Variants in PFKFB3 observed in about 807,000 individuals in gnomAD.
PFKFB3 encodes the protein 6-phosphofructo-2-kinase/fructose-2,6-biphosphatase 3, also known as 6-phosphofructo-2-kinase/fructose-2,6-bisphosphatase 3.
PFKFB3 carries 33 observed loss-of-function variants against 68.0 expected under a neutral mutation model. That is an observed-to-expected ratio of 0.49 (90% confidence interval 0.37 to 0.65). PFKFB3 has a LOEUF of 0.65. PFKFB3 is among the 30% of genes least tolerant of loss of function. The pLI is 0.00. For missense variants in PFKFB3, 586 were observed against 712.2 expected, an observed-to-expected ratio of 0.82 and a Z score of 2.02; for synonymous variants, 315 against 288.2, an observed-to-expected ratio of 1.09 and a Z score of -0.94.
At chr10:6,200,490 A>T (rs969535429), upstream of PFKFB3, among the ~76,000 whole-genome samples, 11 of 152,040 alleles carry the variant, frequency 7.2e-5, no homozygotes. Context: ...TGGGTTGTTT[A>T]TAAGTGATTT....
At chr10:6,193,259 G>A (rs930949989) in intron 1 of PFKFB3, among the ~76,000 whole-genome samples, 1 of 152,188 alleles carries the variant, frequency 6.6e-6, no homozygotes, top group Non-Finnish European at 1.5e-5. Context: ...GCTGAAGTGG[G>A]AGGACAGTTT....
chr10:6,312,321 T>TC, the PFKFB3 span, among the ~76,000 whole-genome samples: 8 of 151,634 alleles, frequency 5.3e-5, no homozygotes, highest in Non-Finnish European at 7.4e-5. Flanking sequence ...TACATTTTTT[T>TC]CCAATTTGTT....
At chr10:6,223,869 G>A (rs952102647) in intron 11 of PFKFB3, 89 bp from the exon 12 acceptor site, 17 of 1,129,258 alleles carry the variant, frequency 1.5e-5, no homozygotes, top group East Asian at 1.4e-4. Flanking sequence ...CACCTGCCTC[G>A]GCCTCCCAAA....
chr10:6,190,013 G>A (rs1447911465), intron 1 of PFKFB3, among the ~76,000 whole-genome samples: 3 of 150,070 alleles, frequency 2.0e-5, no homozygotes, highest in Non-Finnish European at 3.0e-5. Context: ...GTGTGATCTC[G>A]GCTCACTGCA....
chr10:6,225,780 G>T (rs973376581), intron 13 of PFKFB3, among the ~76,000 whole-genome samples: 3 of 148,016 alleles, frequency 2.0e-5, no homozygotes, highest in Non-Finnish European at 4.6e-5. Context: ...AGTCAGCACA[G>T]TTGCCTTCCC....
At chr10:6,153,872 A>C (rs1588385438) in intron 1 of PFKFB3, among the ~76,000 whole-genome samples, 1 of 149,698 alleles carries the variant, frequency 6.7e-6, no homozygotes, top group South Asian at 2.1e-4. Flanking sequence ...AAGAGAGGGG[A>C]GAGGGAGTCA....
chr10:6,264,000 G>A, the PFKFB3 span, among the ~76,000 whole-genome samples: 28 of 152,242 alleles, frequency 1.8e-4, no homozygotes, highest in East Asian at 4.2e-3. Context: ...TTATCTTCTC[G>A]AGAAGCCTTG....
At chr10:6,244,746 A>G (rs1564232928) in intron 14 of PFKFB3, among the ~76,000 whole-genome samples, 1 of 152,038 alleles carries the variant, frequency 6.6e-6, no homozygotes, top group South Asian at 2.1e-4. Context: ...TGGACTGGAA[A>G]TGCCCTCATC....
upstream of PFKFB3, among the ~76,000 whole-genome samples, chr10:6,198,858 T>C (rs1843244818): frequency 1.3e-5 from 2 of 152,226 alleles, no homozygotes; most frequent in Admixed American, 1.3e-4. Flanking sequence ...GGATGTTCCA[T>C]AGTTTATCCA....
chr10:6,215,362 C>T lies in PFKFB3; in HGVS notation c.299+45C>T. 1.4e-6 allele frequency: 2 copies of T among 1,475,538 alleles called. No homozygotes were observed. The highest frequency in any genetic ancestry group is 1.9e-6 in the Non-Finnish European group (2 of 1,057,602). The allele number at this position is 1,475,538 out of a possible 1,614,324, so 91.4% of individuals were successfully genotyped here. On this transcript the variant is annotated intron_variant, in intron 3 of 14. Coordinates refer to ENST00000379775, the MANE Select transcript of PFKFB3 (RefSeq NM_004566.4). The surrounding 1 kb of genome is among the most constrained non-coding windows in gnomAD (Gnocchi z 4.3). ...GTAGGGCTGGGCTGTGGGAATAAGG[C>T]TGGGCCGCGGGCATAAGGCTGGGCT...
intron 1 of PFKFB3, among the ~76,000 whole-genome samples, chr10:6,190,369 A>C (rs1187628054): frequency 6.6e-6 from 1 of 152,212 alleles, no homozygotes. Context: ...TTATTTGTTG[A>C]TATTCTACTC....
chr10:6,280,422 C>G, the PFKFB3 span, among the ~76,000 whole-genome samples: 95,705 of 152,066 alleles, frequency 0.63, 30,789 homozygotes, highest in Middle Eastern at 0.72. Context: ...GAACCTGGCT[C>G]GCCTGACGGT....
At chr10:6,175,892 A>G (rs1010603235) in intron 1 of PFKFB3, among the ~76,000 whole-genome samples, 1 of 152,266 alleles carries the variant, frequency 6.6e-6, no homozygotes, top group Non-Finnish European at 1.5e-5. Flanking sequence ...ACCAACTCTC[A>G]TATCAGAGTA....
In PFKFB3 at chr10:6,228,369, G is replaced by A; in HGVS notation, c.1515+2004G>A. ...AGGAGGAGATGGGCGTAGGAGTAGG[G>A]AGGAGAGATTCCTGAATGTTTTTGG... On this transcript the variant is annotated intron_variant, in intron 14 of 14. Coordinates refer to ENST00000379775, the MANE Select transcript of PFKFB3 (RefSeq NM_004566.4). The surrounding 1 kb of genome is among the most constrained non-coding windows in gnomAD (Gnocchi z 4.5). 2 of 811,932 alleles carry A rather than the reference G, an allele frequency of 2.5e-6. No individual in the cohort carries two copies. Among genetic ancestry groups the A allele is most frequent in the Non-Finnish European group, 4.2e-6 (2 of 478,466 alleles). The allele number at this position is 811,932 out of a possible 1,614,324, so 50.3% of individuals were successfully genotyped here. A position where few individuals can be genotyped will look rare whatever the true frequency, so the allele number is the denominator to read the frequency against.
chr10:6,266,824 C>T, the PFKFB3 span, among the ~76,000 whole-genome samples: 2 of 152,188 alleles, frequency 1.3e-5, no homozygotes, highest in African/African-American at 4.8e-5. Flanking sequence ...GCAAGGGGTC[C>T]CTGCCAAACC....
chr10:6,294,304 T>G, the PFKFB3 span: 1 of 464,340 alleles, frequency 2.2e-6, no homozygotes, highest in Non-Finnish European at 4.3e-6. Context: ...AAGACATACC[T>G]GAGACTTGGT....
At chr10:6,190,069 G>A (rs1288127662) in intron 1 of PFKFB3, among the ~76,000 whole-genome samples, 1 of 151,754 alleles carries the variant, frequency 6.6e-6, no homozygotes, top group Non-Finnish European at 1.5e-5. Flanking sequence ...TCAGCCTTCC[G>A]AGTAGCTGGG....
intron 2 of PFKFB3, among the ~76,000 whole-genome samples, chr10:6,214,877 T>G (rs911459010): frequency 4.6e-5 from 7 of 152,220 alleles, no homozygotes; most frequent in African/African-American, 1.7e-4. Context: ...GTTGTCCCTA[T>G]TTTTGCTAGA....
chr10:6,197,044 G>C (rs945047707), intron 1 of PFKFB3, among the ~76,000 whole-genome samples: 4 of 151,880 alleles, frequency 2.6e-5, no homozygotes, highest in African/African-American at 7.3e-5. Context: ...GAGTGCAATG[G>C]CGTGATCTCG....
Sources: allele counts gnomAD v4.1 joint callset (sites outside exome capture counted in the v4.1 genomes callset), GRCh38; gene constraint gnomAD v4.1.1; non-coding constraint Gnocchi (gnomAD v3.1); transcripts MANE v1.5; gene names NCBI Gene and HGNC (gene_info 2026-07-23, HGNC 2026-07-21).